Variants in NEDD4 observed in about 807,000 individuals in gnomAD.
The protein encoded by NEDD4 is E3 ubiquitin-protein ligase NEDD4.
NEDD4 carries 99 observed loss-of-function variants against 144.9 expected under a neutral mutation model. The ratio of observed to expected loss-of-function variants is 0.68; its 90% CI spans 0.58 to 0.81. NEDD4 has a LOEUF of 0.81. NEDD4 is among the 30% of genes least tolerant of loss of function. NEDD4 has a pLI of 0.00. For missense variants in NEDD4, 985 were observed against 1,065.9 expected (o/e 0.92, Z 1.06); for synonymous variants, 318 against 350.6 (o/e 0.91, Z 1.04).
At chr15:55,848,451 A>G in intron 16 of NEDD4, 21 bp from the exon 17 acceptor site, 1 of 1,613,942 alleles carries the variant, frequency 6.2e-7, no homozygotes, top group Middle Eastern at 1.7e-4. Flanking sequence ...GAAAAAGAAA[A>G]AAGATGTACT....
Position 55,829,805 on chromosome 15 carries a change from G to T in NEDD4, c.*92C>A. The T allele has an allele frequency of 2.5e-6, 2 of 789,932 alleles. No homozygotes were observed. Among genetic ancestry groups the T allele is most frequent in the Non-Finnish European group, 4.1e-6 (2 of 489,640 alleles). The allele number at this position is 789,932 out of a possible 1,614,324, so 48.9% of individuals were successfully genotyped here. A position where few individuals can be genotyped will look rare whatever the true frequency, so the allele number is the denominator to read the frequency against. On this transcript the variant is annotated 3_prime_UTR_variant, in exon 29 of 29. Transcript: ENST00000435532. ...CTTCAAGATCTGGGAAGACTCAGTG[G>T]CCACATTTTAGTAGTTCCCCGGAAA...
chr15:55,856,152 C>T lies in NEDD4; in HGVS notation c.1005G>A (p.Glu335=). 6.2e-7 allele frequency: 1 copy of T among 1,613,082 alleles called. No individual in the cohort carries two copies. Among genetic ancestry groups the T allele is most frequent in the Non-Finnish European group, 8.5e-7 (1 of 1,179,626 alleles). ...RRGSLQAYTF[E]EQPTLPVLLP... ...TCACCACAGGAAGTGTAGGTTGTTC[C>T]TCAAAAGTATAGGCTTGTAAGCTGC... The change falls in exon 12 of 29, where the codon GAG becomes GAA. Residue 335 remains glutamate, a synonymous_variant. Coordinates refer to ENST00000435532, the MANE Select transcript of NEDD4 (RefSeq NM_006154.4).
At chr15:55,945,264 GAA>G (rs1358624627) in intron 4 of NEDD4, among the ~76,000 whole-genome samples, 9 of 150,782 alleles carry the variant, frequency 6.0e-5, no homozygotes, top group Admixed American at 5.9e-4. Context: ...TAAAAACCTT[GAA>G]AAAAGGTTAG....
chr15:55,916,821 C>T (rs755437949), intron 5 of NEDD4: 1 of 1,596,444 alleles, frequency 6.3e-7, no homozygotes, highest in Non-Finnish European at 8.6e-7. Context: ...CAATCGTAAG[C>T]TTTGTGCCAT....
intron 1 of NEDD4, among the ~76,000 whole-genome samples, chr15:55,992,354 T>C (rs2038001323): frequency 6.6e-6 from 1 of 152,198 alleles, no homozygotes; most frequent in Non-Finnish European, 1.5e-5. Context: ...AATAACTGCA[T>C]TAACAAATTG....
At chr15:55,850,063 G>T (rs199531649) in intron 14 of NEDD4, among the ~76,000 whole-genome samples, 1 of 152,124 alleles carries the variant, frequency 6.6e-6, no homozygotes, top group East Asian at 1.9e-4. Context: ...CTCCCAAAGT[G>T]CTGGGATTAC....
intron 2 of NEDD4, among the ~76,000 whole-genome samples, chr15:55,961,582 TG>T (rs1280566149): frequency 2.6e-5 from 4 of 152,092 alleles, no homozygotes; most frequent in African/African-American, 9.7e-5. Flanking sequence ...ATCATTCTCC[TG>T]CCTCAGCCTC....
chr15:55,926,895 G>C (rs1055456762), intron 4 of NEDD4, among the ~76,000 whole-genome samples: 5 of 151,936 alleles, frequency 3.3e-5, no homozygotes, highest in Non-Finnish European at 5.9e-5. Flanking sequence ...GGCCAACAGG[G>C]TGAAACCCTG....
chr15:55,843,628 A>G (rs1468906735), intron 18 of NEDD4, among the ~76,000 whole-genome samples: 2 of 152,236 alleles, frequency 1.3e-5, no homozygotes, highest in Non-Finnish European at 2.9e-5. Context: ...CTCTAAGGAA[A>G]AAAAATCAAT....
chr15:55,924,866 G>T (rs772038857), intron 4 of NEDD4, among the ~76,000 whole-genome samples, 167 bp from the exon 5 acceptor site: 1 of 152,088 alleles, frequency 6.6e-6, no homozygotes, highest in Non-Finnish European at 1.5e-5. Context: ...TCAGGAGTTC[G>T]AGACGAGCCT....
At chr15:55,878,736 C>T (rs1425971147) in intron 5 of NEDD4, among the ~76,000 whole-genome samples, 11 of 152,216 alleles carry the variant, frequency 7.2e-5, no homozygotes, top group Non-Finnish European at 1.5e-4. Flanking sequence ...GGATATACAA[C>T]TAGTAGAATT....
At chr15:55,854,061 G>A (rs1430678008) in intron 12 of NEDD4, among the ~76,000 whole-genome samples, 2 of 151,952 alleles carry the variant, frequency 1.3e-5, no homozygotes, top group African/African-American at 4.8e-5. Context: ...TGAAGCAGGA[G>A]AATCACTTGA....
intron 1 of NEDD4, among the ~76,000 whole-genome samples, chr15:55,974,324 A>C (rs1432027357): frequency 6.6e-6 from 1 of 152,200 alleles, no homozygotes; most frequent in Non-Finnish European, 1.5e-5. Flanking sequence ...TCACTGCCAA[A>C]TTCTACCAAA....
chr15:55,915,961 C>T (rs140869235), intron 5 of NEDD4: 334 of 1,613,684 alleles, frequency 2.1e-4, no homozygotes, highest in Middle Eastern at 4.9e-4. Context: ...TGATAGGATC[C>T]TTTGCTCAGA....
chr15:55,847,156 T>C (rs964312363), intron 17 of NEDD4, 122 bp from the exon 18 acceptor site: 4 of 513,178 alleles, frequency 7.8e-6, no homozygotes, highest in African/African-American at 2.0e-5. Context: ...AAAGAAAAGT[T>C]TAATTAGAAG....
At chr15:55,907,116 A>C (rs887493374) in intron 5 of NEDD4, among the ~76,000 whole-genome samples, 1 of 151,866 alleles carries the variant, frequency 6.6e-6, no homozygotes, top group Non-Finnish European at 1.5e-5. Context: ...AATAAAAATA[A>C]AAAATAAACA....
chr15:55,949,470 T>C (rs1196613144), intron 4 of NEDD4, among the ~76,000 whole-genome samples: 10 of 152,242 alleles, frequency 6.6e-5, no homozygotes, highest in Admixed American at 5.2e-4. Context: ...CAAAGGATTA[T>C]AAATCATGCT....
chr15:55,988,545 A>G (rs896629954), intron 1 of NEDD4, among the ~76,000 whole-genome samples: 7 of 151,772 alleles, frequency 4.6e-5, no homozygotes, highest in Admixed American at 1.3e-4. Context: ...AAGAGACTGC[A>G]AAGACATGCC....
intron 5 of NEDD4, among the ~76,000 whole-genome samples, chr15:55,914,409 C>T (rs67046147): frequency 0.066 from 10,063 of 151,578 alleles, 435 homozygotes; most frequent in Non-Finnish European, 0.099. Flanking sequence ...TACTTTGGAA[C>T]GGCCAAATTA....
Sources: gnomAD v4.1 joint callset for allele counts (sites outside exome capture counted in the v4.1 genomes callset) on GRCh38, gnomAD v4.1.1 for gene constraint, MANE v1.5 for transcripts, NCBI Gene and HGNC (gene_info 2026-07-23, HGNC 2026-07-21) for gene names.